Variants in DEPTOR observed in about 807,000 individuals in gnomAD.
The protein encoded by DEPTOR is DEP domain containing MTOR interacting protein.
DEPTOR carries 41 observed loss-of-function variants against 41.6 expected under a neutral mutation model. The observed-to-expected ratio is 0.98, with a 90% CI of 0.77 to 1.28. The LOEUF (loss-of-function observed/expected upper bound fraction) is 1.28, where lower values mean the gene tolerates loss of function less well. DEPTOR is among the 50% of genes most tolerant of loss of function. The pLI is 0.00. For synonymous variants in DEPTOR, 195 were observed against 192.3 expected (o/e 1.01, Z -0.12); for missense variants, 514 against 527.9 (o/e 0.97, Z 0.26).
chr8:120,031,286 G>T (rs989341368), intron 8 of DEPTOR, among the ~76,000 whole-genome samples: 2 of 152,070 alleles, frequency 1.3e-5, no homozygotes, highest in Non-Finnish European at 2.9e-5. Flanking sequence ...AGGCAACATG[G>T]TGAAACCGTC....
chr8:120,008,742 T>C (rs111273339), intron 7 of DEPTOR, among the ~76,000 whole-genome samples: 91 of 152,300 alleles, frequency 6.0e-4, no homozygotes, highest in African/African-American at 1.9e-3. Flanking sequence ...TTAAATTGTA[T>C]AACAGCCTAA....
chr8:120,004,023 C>T (rs1812395822), intron 6 of DEPTOR, among the ~76,000 whole-genome samples: 2 of 152,172 alleles, frequency 1.3e-5, no homozygotes, highest in South Asian at 2.1e-4. Flanking sequence ...GAGGAAGAGG[C>T]TCTGTTCCTT....
chr8:119,960,244 A>G (rs1239736940), intron 3 of DEPTOR, among the ~76,000 whole-genome samples: 1 of 152,080 alleles, frequency 6.6e-6, no homozygotes, highest in Non-Finnish European at 1.5e-5. Context: ...ACAAAAAACA[A>G]AAAACAAAAA....
At position 120,016,322 on chromosome 8, in the gene DEPTOR, G is replaced by C. The variant is rs140456009; in HGVS notation, c.1101+7189G>C. On this transcript the variant is annotated intron_variant, in intron 8 of 8. Transcript: ENST00000286234. ...TTTTTTTTCCTTTTTTTTTGAGATG[G>C]AGGTTCGCTCTTGTTGCCCAGGCTG... Among the ~76,000 whole-genome samples the C allele has an allele frequency of 6.9e-3, 1,047 of 151,350 alleles. 10 individuals carry two copies. Among genetic ancestry groups the C allele is most frequent in the South Asian group, 0.015 (73 of 4,802 alleles).
intron 3 of DEPTOR, among the ~76,000 whole-genome samples, chr8:119,953,258 G>A (rs552351090): frequency 6.6e-6 from 1 of 152,220 alleles, no homozygotes; most frequent in Non-Finnish European, 1.5e-5. Context: ...TTTTATGCTA[G>A]GGTTCAAGAA....
At chr8:119,979,971 C>T (rs968984948) in intron 4 of DEPTOR, among the ~76,000 whole-genome samples, 13 of 152,040 alleles carry the variant, frequency 8.6e-5, no homozygotes, top group Admixed American at 1.3e-4. Flanking sequence ...TTGTTCAGGA[C>T]AAGGATCATC....
chr8:120,047,905 G>A (rs919162972), intron 8 of DEPTOR, among the ~76,000 whole-genome samples: 1 of 151,918 alleles, frequency 6.6e-6, no homozygotes, highest in African/African-American at 2.4e-5. Flanking sequence ...AATTAGCTGG[G>A]CATGGTGGCA....
intron 3 of DEPTOR, among the ~76,000 whole-genome samples, chr8:119,958,218 G>C (rs914089400): frequency 2.6e-5 from 4 of 152,180 alleles, no homozygotes; most frequent in Non-Finnish European, 5.9e-5. Context: ...AGGGTCAGCT[G>C]GGCTGGAAGG....
chr8:119,916,266 A>ATTTTTGTTTTTTTTTTTTTTT (rs1827812381), intron 1 of DEPTOR, among the ~76,000 whole-genome samples: 1 of 123,294 alleles, frequency 8.1e-6, no homozygotes, highest in African/African-American at 3.2e-5. Context: ...GGCTAGGCTA[A>ATTTTTGTTTTTTTTTTTTTTT]TTTTTTTTTT....
At chr8:119,918,200 A>C (rs1320232052) in intron 1 of DEPTOR, among the ~76,000 whole-genome samples, 1 of 151,644 alleles carries the variant, frequency 6.6e-6, no homozygotes, top group Non-Finnish European at 1.5e-5. Flanking sequence ...TTCTTTTCCA[A>C]GTCTCTCGTT....
chr8:119,955,587 C>A (rs190200220), intron 3 of DEPTOR, among the ~76,000 whole-genome samples: 15 of 152,184 alleles, frequency 9.9e-5, no homozygotes, highest in Admixed American at 9.8e-4. Flanking sequence ...CTGCCTCAGC[C>A]TCCCAAGTAG....
chr8:119,939,718 G>A (rs755443186), intron 3 of DEPTOR, among the ~76,000 whole-genome samples: 3 of 151,856 alleles, frequency 2.0e-5, no homozygotes, highest in South Asian at 2.1e-4. Context: ...CAAGTGATCC[G>A]CCTGACTCAG....
At chr8:119,981,944 G>A (rs1828773868) in intron 4 of DEPTOR, among the ~76,000 whole-genome samples, 1 of 143,240 alleles carries the variant, frequency 7.0e-6, no homozygotes, top group African/African-American at 2.6e-5. Context: ...GACCTGGGAG[G>A]CAGATGTTGC....
intron 1 of DEPTOR, among the ~76,000 whole-genome samples, chr8:119,899,797 A>G (rs941680017): frequency 2.0e-5 from 3 of 152,136 alleles, no homozygotes; most frequent in African/African-American, 4.8e-5. Context: ...AGCAGTTCCT[A>G]TGCTTCCCTA....
intron 4 of DEPTOR, among the ~76,000 whole-genome samples, chr8:119,973,073 G>A (rs191460683): frequency 1.8e-4 from 27 of 151,982 alleles, no homozygotes; most frequent in Non-Finnish European, 3.5e-4. Context: ...CTGAGTAGCT[G>A]GGATTACAGG....
intron 3 of DEPTOR, among the ~76,000 whole-genome samples, chr8:119,949,528 C>T (rs1409631271): frequency 6.6e-6 from 1 of 152,152 alleles, no homozygotes; most frequent in Non-Finnish European, 1.5e-5. Context: ...ACTGTCAAAA[C>T]TTGTTCTCTG....
intron 3 of DEPTOR, among the ~76,000 whole-genome samples, chr8:119,948,191 C>T (rs1358373957): frequency 6.6e-6 from 1 of 152,312 alleles, no homozygotes; most frequent in East Asian, 1.9e-4. Flanking sequence ...TAGTAGGCAA[C>T]TTAAGAGTAA....
At chr8:120,001,146 TAA>T (rs1474984581) in intron 4 of DEPTOR, among the ~76,000 whole-genome samples, 2 of 150,702 alleles carry the variant, frequency 1.3e-5, no homozygotes, top group East Asian at 3.9e-4. Context: ...GACACATGAG[TAA>T]GTGAAGCCAT....
At chr8:119,946,803 T>C (rs910518557) in intron 3 of DEPTOR, among the ~76,000 whole-genome samples, 5 of 152,212 alleles carry the variant, frequency 3.3e-5, no homozygotes, top group African/African-American at 1.2e-4. Context: ...AAAATTAACT[T>C]TTGCATTGGT....
Sources: allele counts gnomAD v4.1 joint callset (sites outside exome capture counted in the v4.1 genomes callset), GRCh38; gene constraint gnomAD v4.1.1; transcripts MANE v1.5; gene names NCBI Gene and HGNC (gene_info 2026-07-23, HGNC 2026-07-21).